Variants in IGF2BP2 observed in about 807,000 individuals in gnomAD.
The protein encoded by IGF2BP2 is insulin like growth factor 2 mRNA binding protein 2, also known as insulin-like growth factor 2 mRNA-binding protein 2.
A neutral mutation model predicts 75.8 loss-of-function variants in IGF2BP2; 17 were observed. That is an observed-to-expected ratio of 0.22 (90% CI 0.15 to 0.34). IGF2BP2 has a LOEUF of 0.34. Ranked by LOEUF, IGF2BP2 falls within the 10% of genes least tolerant of loss-of-function variation. The pLI, the probability that IGF2BP2 is intolerant of heterozygous loss-of-function variation, is 1.00. For missense variants in IGF2BP2, 516 were observed against 772.4 expected, an observed-to-expected ratio of 0.67 and a Z score of 3.93; for synonymous variants, 288 against 295.6, an observed-to-expected ratio of 0.97 and a Z score of 0.26.
intron 7 of IGF2BP2, among the ~76,000 whole-genome samples, chr3:185,680,791 T>TA (rs1276761117): frequency 2.2e-4 from 32 of 148,684 alleles, no homozygotes; most frequent in Admixed American, 6.8e-4. Flanking sequence ...AAACATTTTT[T>TA]AAAAAATCAA....
intron 2 of IGF2BP2, among the ~76,000 whole-genome samples, chr3:185,809,205 G>A (rs929035767): frequency 2.7e-5 from 4 of 150,202 alleles, no homozygotes; most frequent in African/African-American, 9.8e-5. Flanking sequence ...ATACCTATAA[G>A]GAAAATTATA....
chr3:185,687,228 C>A, intron 6 of IGF2BP2, 37 bp from the exon 7 acceptor site: 1 of 1,585,892 alleles, frequency 6.3e-7, no homozygotes, highest in South Asian at 1.2e-5. Context: ...ATTACAAGGT[C>A]ATCTGGATAG....
In IGF2BP2 at chr3:185,674,615, C is replaced by T. The variant is rs374555925; in HGVS notation, c.1071+681G>A. Reference sequence around the variant, plus strand: ...CAGGCAATCTAAAAGTGCAGATCAGCAAGCAAGGGAGGAAAATCAGAAGTT... The same window carrying T: ...CAGGCAATCTAAAAGTGCAGATCAGTAAGCAAGGGAGGAAAATCAGAAGTT... On this transcript the variant is annotated intron_variant, in intron 9 of 15. Transcript: ENST00000382199. Among the ~76,000 whole-genome samples, 17 of 152,022 alleles carry T rather than the reference C, an allele frequency of 1.1e-4. No individual in the cohort carries two copies. In the East Asian group the frequency reaches 2.9e-3, roughly 26 times the overall value.
At chr3:185,758,741 G>T (rs1349504898) in intron 2 of IGF2BP2, among the ~76,000 whole-genome samples, 2 of 152,180 alleles carry the variant, frequency 1.3e-5, no homozygotes, top group African/African-American at 4.8e-5. Flanking sequence ...TAAAGGCTAG[G>T]TAATGTGGAA....
chr3:185,756,891 G>C (rs1731691154), intron 2 of IGF2BP2, among the ~76,000 whole-genome samples: 1 of 152,138 alleles, frequency 6.6e-6, no homozygotes. Context: ...GGGAAGGTGA[G>C]CCCAGGAGTT....
In IGF2BP2 at chr3:185,719,552, G is replaced by A. The variant is rs1342103612; in HGVS notation, c.240-21205C>T. Among the ~76,000 whole-genome samples, 4 of 152,336 alleles carry A rather than the reference G, an allele frequency of 2.6e-5. No homozygotes were observed. The East Asian group carries it at 7.7e-4, about 29-fold the overall frequency. The stretch of plus-strand genomic sequence containing the variant: ...ACTGGGGAGTGAATATTGGAGTACA[G>A]GCTGGGTGTGGTGGCTCACGCCCGT... On this transcript the variant is annotated intron_variant, in intron 2 of 15. Coordinates refer to ENST00000382199, the MANE Select transcript of IGF2BP2 (RefSeq NM_006548.6).
intron 5 of IGF2BP2, 33 bp downstream of exon 5, chr3:185,692,666 A>C (rs938782822): frequency 6.5e-7 from 1 of 1,529,996 alleles, no homozygotes; most frequent in Non-Finnish European, 9.0e-7. Flanking sequence ...AAAACAAATA[A>C]ATTTAAACAG....
chr3:185,803,941 TG>T (rs994219132), intron 2 of IGF2BP2, among the ~76,000 whole-genome samples: 36 of 151,960 alleles, frequency 2.4e-4, no homozygotes, highest in African/African-American at 8.5e-4. Context: ...CTGGCCAACA[TG>T]GTGAAACCCT....
In IGF2BP2 at chr3:185,658,529, C is replaced by T. The variant is rs920101730; in HGVS notation, c.1201-120G>A. On this transcript the variant is annotated intron_variant, in intron 10 of 15. Coordinates refer to ENST00000382199, the MANE Select transcript of IGF2BP2 (RefSeq NM_006548.6). ...CTGTGGCATCAGCTGGCTCCACTGTCGTGTCTACACGCCTGTCCCTCTGTG... is the reference window on the plus strand; with the variant it reads ...CTGTGGCATCAGCTGGCTCCACTGTTGTGTCTACACGCCTGTCCCTCTGTG... The T allele has an allele frequency of 6.8e-6, 5 of 733,632 alleles. No homozygotes were observed. In the East Asian group the frequency reaches 7.9e-5, roughly 12 times the overall value. The allele number at this position is 733,632 out of a possible 1,614,324, so 45.4% of individuals were successfully genotyped here.
chr3:185,677,009 TTATATATATGGAGAGAG>T lies in IGF2BP2; in HGVS notation c.813-1113_813-1097del, dbSNP rs1369574526. Among the ~76,000 whole-genome samples, 14 of 103,042 alleles carry T rather than the reference TTATATATATGGAGAGAG, an allele frequency of 1.4e-4. 1 individual carries two copies. The South Asian group carries it at 5.2e-3, about 39-fold the overall frequency. The allele number at this position is 103,042 out of a possible 152,430, so 67.6% of individuals were successfully genotyped here. A position where few individuals can be genotyped will look rare whatever the true frequency, so the allele number is the denominator to read the frequency against. ...ATGGAGATATATATATATGGAGAGA[TTATATATATGGAGAGAG>T]ATATATATATATATGGAGATATATA... On this transcript the variant is annotated intron_variant, in intron 7 of 15. Transcript: ENST00000382199.
intron 2 of IGF2BP2, among the ~76,000 whole-genome samples, chr3:185,751,378 G>C (rs1730943211): frequency 1.3e-5 from 2 of 151,690 alleles, no homozygotes; most frequent in South Asian, 4.2e-4. Flanking sequence ...GGGAGTTCGA[G>C]ACCAGCCTGA....
At chr3:185,796,633 A>AGAG (rs566118814) in intron 2 of IGF2BP2, among the ~76,000 whole-genome samples, 177 of 141,996 alleles carry the variant, frequency 1.2e-3, no homozygotes, top group African/African-American at 2.6e-3. Context: ...AAAAAAAAAA[A>AGAG]AGAGAGAGAG....
At chr3:185,817,849 C>T (rs1194647382) in intron 2 of IGF2BP2, among the ~76,000 whole-genome samples, 1 of 152,012 alleles carries the variant, frequency 6.6e-6, no homozygotes, top group Non-Finnish European at 1.5e-5. Context: ...ATTCTGGGGG[C>T]ATGTTTTGTT....
At chr3:185,677,041 GGA>G (rs1491186505) in intron 7 of IGF2BP2, among the ~76,000 whole-genome samples, 12 of 12,018 alleles carry the variant, frequency 1.0e-3, no homozygotes, top group South Asian at 3.4e-3. Context: ...ATATATATAT[GGA>G]GATATATATA....
At chr3:185,744,384 T>C (rs1729961971) in intron 2 of IGF2BP2, among the ~76,000 whole-genome samples, 1 of 151,758 alleles carries the variant, frequency 6.6e-6, no homozygotes, top group South Asian at 2.1e-4. Flanking sequence ...TGATATAGTC[T>C]GCAAAAAAAA....
chr3:185,782,625 T>C (rs1192517642), intron 2 of IGF2BP2, among the ~76,000 whole-genome samples: 1 of 152,190 alleles, frequency 6.6e-6, no homozygotes. Flanking sequence ...AAAATAATTA[T>C]TCCTAGTAAT....
chr3:185,666,382 C>G (rs566741545), intron 10 of IGF2BP2, among the ~76,000 whole-genome samples: 2 of 152,274 alleles, frequency 1.3e-5, no homozygotes, highest in East Asian at 3.9e-4. Flanking sequence ...GCCTATAATC[C>G]CAGCACTTTG....
chr3:185,800,273 G>C (rs1738026405), intron 2 of IGF2BP2, among the ~76,000 whole-genome samples: 1 of 152,090 alleles, frequency 6.6e-6, no homozygotes, highest in African/African-American at 2.4e-5. Flanking sequence ...ACCGGGGCCT[G>C]TCGGAGAGTG....
chr3:185,774,371 G>A (rs1377218622), intron 2 of IGF2BP2, among the ~76,000 whole-genome samples: 1 of 151,586 alleles, frequency 6.6e-6, no homozygotes, highest in Non-Finnish European at 1.5e-5. Context: ...CGAGGTGGGC[G>A]GATCACGAGG....
Sources: gnomAD v4.1 joint callset for allele counts (sites outside exome capture counted in the v4.1 genomes callset) on GRCh38, gnomAD v4.1.1 for gene constraint, MANE v1.5 for transcripts, NCBI Gene and HGNC (gene_info 2026-07-23, HGNC 2026-07-21) for gene names.